PTPRA: variants seen among roughly 807,000 people sequenced by gnomAD.
PTPRA encodes the protein protein tyrosine phosphatase receptor type A.
PTPRA carries 25 observed loss-of-function variants against 104.8 expected under a neutral mutation model. The observed-to-expected ratio is 0.24, with a 90% CI of 0.17 to 0.33. PTPRA has a LOEUF of 0.33. PTPRA is among the 10% of genes least tolerant of loss of function. The pLI, the probability that PTPRA is intolerant of heterozygous loss-of-function variation, is 1.00. For synonymous variants in PTPRA, 323 were observed against 368.9 expected (o/e 0.88, Z 1.43); for missense variants, 765 against 1,015.3 (o/e 0.75, Z 3.35).
chr20:2,991,096 G>A (rs1035467983), intron 9 of PTPRA, among the ~76,000 whole-genome samples: 7 of 152,152 alleles, frequency 4.6e-5, no homozygotes, highest in Admixed American at 3.9e-4. Flanking sequence ...GCTCACACCT[G>A]TAATCCCAGC....
At chr20:2,940,046 G>C (rs1214607786) in intron 2 of PTPRA, among the ~76,000 whole-genome samples, 1 of 152,258 alleles carries the variant, frequency 6.6e-6, no homozygotes, top group African/African-American at 2.4e-5. Context: ...GGAGGTGGAG[G>C]TTGCAGTGAG....
At chr20:3,018,963 G>A (rs574861772) in intron 13 of PTPRA, among the ~76,000 whole-genome samples, 7 of 135,418 alleles carry the variant, frequency 5.2e-5, no homozygotes, top group South Asian at 2.7e-4. Context: ...CGGACGGGGC[G>A]GCTGGCCGGG....
At position 3,019,247 on chromosome 20, in the gene PTPRA, G is replaced by T. The variant is rs867288346; in HGVS notation, c.1041+1334G>T. Among the ~76,000 whole-genome samples, 10 of 146,530 alleles carry T rather than the reference G, an allele frequency of 6.8e-5. 1 individual carries two copies. The South Asian group carries it at 1.7e-3, about 25-fold the overall frequency. On this transcript the variant is annotated intron_variant, in intron 13 of 23. Transcript: ENST00000399903. The stretch of plus-strand genomic sequence containing the variant: ...CCCGGACGGGGCGGCTGGCCGGGCG[G>T]GGGGCTGACCCCCCCACCTCCCTCC...
Position 2,986,554 on chromosome 20 carries a change from C to T in PTPRA, c.443-211C>T, listed in dbSNP as rs925577236. Among the ~76,000 whole-genome samples, 5 of 152,284 alleles carry T rather than the reference C, an allele frequency of 3.3e-5. No homozygotes were observed. The South Asian group carries it at 1.0e-3, about 32-fold the overall frequency. On this transcript the variant is annotated intron_variant, in intron 6 of 23. Transcript: ENST00000399903. ...GTCAGAGATGGGGTGAGCATGTCAT[C>T]CTGGGCCCCATGCTCTCTCCCCACC...
intron 2 of PTPRA, among the ~76,000 whole-genome samples, chr20:2,926,555 A>G (rs2060301830): frequency 6.6e-6 from 1 of 152,150 alleles, no homozygotes; most frequent in South Asian, 2.1e-4. Context: ...ATAAGTTCAC[A>G]TTCACAGGAA....
intron 1 of PTPRA, among the ~76,000 whole-genome samples, chr20:2,919,928 A>G (rs1232949728): frequency 1.3e-5 from 2 of 152,234 alleles, no homozygotes; most frequent in Non-Finnish European, 2.9e-5. Context: ...TGGAAATTAT[A>G]TAAAATTAAC....
intron 1 of PTPRA, among the ~76,000 whole-genome samples, chr20:2,888,574 A>G (rs2090502889): frequency 6.6e-6 from 1 of 152,132 alleles, no homozygotes; most frequent in South Asian, 2.1e-4. Flanking sequence ...GCATTTAAAA[A>G]AAAAAAAGGT....
At chr20:2,986,191 G>T (rs2148130468) in intron 6 of PTPRA, among the ~76,000 whole-genome samples, 1 of 152,330 alleles carries the variant, frequency 6.6e-6, no homozygotes, top group South Asian at 2.1e-4. Context: ...ACAGGCATGA[G>T]CCATTGTGCC....
intron 20 of PTPRA, among the ~76,000 whole-genome samples, chr20:3,032,345 C>A (rs2065501202): frequency 6.6e-6 from 1 of 152,194 alleles, no homozygotes; most frequent in Non-Finnish European, 1.5e-5. Flanking sequence ...CCCTCTTTAA[C>A]CACTACTCTC....
intron 9 of PTPRA, among the ~76,000 whole-genome samples, chr20:2,995,464 T>C (rs1186219882): frequency 2.6e-5 from 4 of 152,314 alleles, no homozygotes; most frequent in Middle Eastern, 3.4e-3. Flanking sequence ...CCTCAGGTCA[T>C]GTTATGCTTG....
chr20:3,019,523 G>A (rs1158390666), intron 13 of PTPRA, among the ~76,000 whole-genome samples: 7 of 151,622 alleles, frequency 4.6e-5, no homozygotes, highest in African/African-American at 1.5e-4. Context: ...ATGGGCGGCC[G>A]GGCAGAGACG....
intron 2 of PTPRA, among the ~76,000 whole-genome samples, chr20:2,944,185 C>T (rs571180157): frequency 1.3e-5 from 2 of 152,038 alleles, no homozygotes; most frequent in East Asian, 3.9e-4. Flanking sequence ...GGATTACAGA[C>T]ACACACCACT....
intron 20 of PTPRA, among the ~76,000 whole-genome samples, chr20:3,030,218 G>A (rs1283140032): frequency 6.6e-6 from 1 of 152,220 alleles, no homozygotes; most frequent in Non-Finnish European, 1.5e-5. Context: ...CCTAGTGAGA[G>A]TAAAGGGCAG....
rs370207812 is a variant in PTPRA, at chr20:2,995,251, G to A, written c.738+6777G>A. Among the ~76,000 whole-genome samples the A allele has an allele frequency of 3.9e-5, 6 of 151,932 alleles. No individual in the cohort carries two copies. The South Asian group carries it at 1.0e-3, about 26-fold the overall frequency. Reference sequence around the variant, plus strand: ...TAATGATCCAGCTCAGTGAATTCCTGTAGTTTCTTCTGGATATTTATTAGC... The same window carrying A: ...TAATGATCCAGCTCAGTGAATTCCTATAGTTTCTTCTGGATATTTATTAGC... On this transcript the variant is annotated intron_variant, in intron 9 of 23. Coordinates refer to ENST00000399903, the MANE Select transcript of PTPRA (RefSeq NM_001385305.1).
intron 2 of PTPRA, among the ~76,000 whole-genome samples, chr20:2,941,623 C>G (rs533217914): frequency 6.6e-6 from 1 of 152,292 alleles, no homozygotes; most frequent in East Asian, 1.9e-4. Context: ...TCAAAGGCTT[C>G]TTAATGCTTA....
chr20:3,022,254 C>T lies in PTPRA; in HGVS notation c.1328+34C>T. On this transcript the variant is annotated intron_variant, in intron 15 of 23. Transcript: ENST00000399903. This position sits in a 1 kb window ranked among gnomAD's most constrained non-coding sequence, Gnocchi z 4.6. ...GGCCTGACCCTTGTACCCCCACCCC[C>T]ACATTTCGCCCCCATGGCCAGAGCA... 1 of 1,608,336 alleles carries T rather than the reference C, an allele frequency of 6.2e-7. No homozygotes were observed. The highest frequency in any genetic ancestry group is 8.5e-7 in the Non-Finnish European group (1 of 1,176,116).
chr20:2,989,293 C>T (rs1215539898), intron 9 of PTPRA, among the ~76,000 whole-genome samples: 3 of 151,874 alleles, frequency 2.0e-5, no homozygotes, highest in East Asian at 1.9e-4. Flanking sequence ...ATTAGCTGGG[C>T]GTGGTGGCAT....
chr20:2,963,189 A>C (rs1054911271), intron 3 of PTPRA, among the ~76,000 whole-genome samples: 2 of 152,212 alleles, frequency 1.3e-5, no homozygotes, highest in East Asian at 3.8e-4. Context: ...TACCTTCTCC[A>C]TACTTCTCAC....
At chr20:2,945,130 T>A (rs909856328) in intron 2 of PTPRA, among the ~76,000 whole-genome samples, 2 of 152,212 alleles carry the variant, frequency 1.3e-5, no homozygotes, top group Admixed American at 1.3e-4. Flanking sequence ...TCTCTTCAGG[T>A]ATATTTTACC....
Sources: allele counts gnomAD v4.1 joint callset (sites outside exome capture counted in the v4.1 genomes callset), GRCh38; gene constraint gnomAD v4.1.1; non-coding constraint Gnocchi (gnomAD v3.1); transcripts MANE v1.5; gene names NCBI Gene and HGNC (gene_info 2026-07-23, HGNC 2026-07-21).